The following FIG4 variants were observed in gnomAD, a reference collection of about 807,000 sequenced individuals.
FIG4 encodes FIG4 phosphoinositide 5-phosphatase, also known as polyphosphoinositide phosphatase.
Under a neutral mutation model 118.6 loss-of-function variants are expected in FIG4, and 112 were observed. The ratio of observed to expected loss-of-function variants is 0.94; its 90% CI spans 0.81 to 1.11. The LOEUF (loss-of-function observed/expected upper bound fraction) is 1.11. FIG4 is among the 50% of genes least tolerant of loss of function. FIG4 has a pLI of 0.00. For missense variants in FIG4, 969 were observed against 1,111.7 expected, an observed-to-expected ratio of 0.87 and a Z score of 1.83; for synonymous variants, 369 against 381.2, an observed-to-expected ratio of 0.97 and a Z score of 0.37.
intron 16 of FIG4, among the ~76,000 whole-genome samples, chr6:109,778,813 G>A (rs6568607): frequency 0.92 from 140,354 of 152,118 alleles, 64,932 homozygotes; most frequent in East Asian, 1. Context: ...GTTAGCTAGG[G>A]TGGTCTTGAT....
rs550415948 is a variant in FIG4, at chr6:109,759,487, A to G, written c.1138-763A>G. ...CTCACATTGATGTTGTAAGGAAGAT[A>G]CTGTTTTTACCCTATTTTATAGATG... On this transcript the variant is annotated intron_variant, in intron 10 of 22. Transcript: ENST00000230124. Among the ~76,000 whole-genome samples the G allele has an allele frequency of 5.7e-4, 87 of 152,208 alleles. 1 individual carries two copies. Among genetic ancestry groups the G allele is most frequent in the Admixed American group, 3.1e-3 (48 of 15,272 alleles).
chr6:109,780,891 T>A (rs1302926924), intron 16 of FIG4, among the ~76,000 whole-genome samples: 1 of 152,210 alleles, frequency 6.6e-6, no homozygotes, highest in African/African-American at 2.4e-5. Context: ...TAATTGAAGC[T>A]TTGTTCTGAA....
chr6:109,740,572 G>A (rs932088869), intron 7 of FIG4, among the ~76,000 whole-genome samples: 3 of 152,172 alleles, frequency 2.0e-5, no homozygotes, highest in Non-Finnish European at 4.4e-5. Context: ...TATTGGTTAA[G>A]CAGTTCACAA....
chr6:109,779,878 C>G (rs1777744664), intron 16 of FIG4, among the ~76,000 whole-genome samples: 1 of 152,154 alleles, frequency 6.6e-6, no homozygotes. Flanking sequence ...GGCCTGCGAC[C>G]CATTAACCTC....
At position 109,743,125 on chromosome 6, in the gene FIG4, G is replaced by C. The variant is rs763234215; in HGVS notation, c.892G>C (p.Glu298Gln). The change falls in exon 9 of 23, where the codon GAA becomes CAA. Residue 298 changes from glutamate (E) to glutamine (Q), a missense_variant. Coordinates refer to ENST00000230124, the MANE Select transcript of FIG4 (RefSeq NM_014845.6). ...GANCEGDVAN[E>Q]VETEQILCDA... is the part of the protein sequence containing the mutation. ...TTCTTTTCAGGGTGATGTTGCAAAT[G>C]AAGTGGAGACTGAACAAATACTCTG... is the stretch of plus-strand genomic sequence containing the variant. The C allele has an allele frequency of 3.1e-6, 5 of 1,612,590 alleles. No homozygotes were observed. The African/African-American group carries it at 6.7e-5, about 22-fold the overall frequency.
At chr6:109,759,432 A>G (rs1777031483) in intron 10 of FIG4, among the ~76,000 whole-genome samples, 1 of 152,198 alleles carries the variant, frequency 6.6e-6, no homozygotes, top group Non-Finnish European at 1.5e-5. Context: ...AAAAAGAAAA[A>G]AAACTCACCA....
intron 15 of FIG4, among the ~76,000 whole-genome samples, chr6:109,776,098 C>T (rs969695450): frequency 3.9e-5 from 6 of 151,938 alleles, no homozygotes; most frequent in African/African-American, 1.5e-4. Context: ...AAGAAGGAAA[C>T]GAGGAGAAAG....
chr6:109,821,914 C>T (rs1014300049), intron 22 of FIG4, among the ~76,000 whole-genome samples: 5 of 152,126 alleles, frequency 3.3e-5, no homozygotes, highest in African/African-American at 1.2e-4. Flanking sequence ...GTGGCTCGAG[C>T]CTGTAATCCC....
At chr6:109,696,551 A>G (rs1037785840) in intron 1 of FIG4, among the ~76,000 whole-genome samples, 1 of 152,246 alleles carries the variant, frequency 6.6e-6, no homozygotes, top group African/African-American at 2.4e-5. Flanking sequence ...ATGGAATACT[A>G]TTCAGCCAGG....
chr6:109,759,603 C>T (rs1777037617), intron 10 of FIG4, among the ~76,000 whole-genome samples: 1 of 152,094 alleles, frequency 6.6e-6, no homozygotes. Flanking sequence ...CAGAACTGTA[C>T]AGTAAAGTAC....
chr6:109,736,776 A>G (rs552044875), intron 6 of FIG4, among the ~76,000 whole-genome samples: 1 of 152,292 alleles, frequency 6.6e-6, no homozygotes, highest in South Asian at 2.1e-4. Flanking sequence ...CTAAAATAAC[A>G]TAAATGTATC....
chr6:109,741,932 G>A (rs376023770), intron 8 of FIG4, among the ~76,000 whole-genome samples: 3 of 152,016 alleles, frequency 2.0e-5, no homozygotes, highest in Admixed American at 1.3e-4. Context: ...TGCAACCATC[G>A]TAGGCCTAAC....
chr6:109,815,186 C>T (rs1395459217), intron 22 of FIG4, among the ~76,000 whole-genome samples: 3 of 152,112 alleles, frequency 2.0e-5, no homozygotes, highest in Non-Finnish European at 4.4e-5. Context: ...TTCCCCCATA[C>T]ATAACCAGTT....
At chr6:109,730,571 G>A (rs1775966870) in intron 4 of FIG4, among the ~76,000 whole-genome samples, 1 of 152,158 alleles carries the variant, frequency 6.6e-6, no homozygotes, top group South Asian at 2.1e-4. Flanking sequence ...GCTAAGTATT[G>A]GTGGAGGAAT....
At chr6:109,786,043 T>G (rs1342160890) in intron 17 of FIG4, 1 of 498,088 alleles carries the variant, frequency 2.0e-6, no homozygotes, top group Non-Finnish European at 3.6e-6. Flanking sequence ...TCTAAATAAC[T>G]GCCTGCTCCC....
chr6:109,702,256 T>C (rs1177782392), intron 1 of FIG4, among the ~76,000 whole-genome samples: 1 of 152,212 alleles, frequency 6.6e-6, no homozygotes, highest in Non-Finnish European at 1.5e-5. Flanking sequence ...ATAATGTTAG[T>C]AGATACTGAA....
At chr6:109,769,814 G>C (rs542397051) in intron 15 of FIG4, among the ~76,000 whole-genome samples, 13 of 152,230 alleles carry the variant, frequency 8.5e-5, no homozygotes, top group African/African-American at 2.9e-4. Context: ...AGCTATGTGA[G>C]AGCCTAAGGG....
intron 3 of FIG4, among the ~76,000 whole-genome samples, chr6:109,718,432 A>G (rs985289654): frequency 3.3e-5 from 5 of 152,150 alleles, no homozygotes; most frequent in African/African-American, 7.2e-5. Flanking sequence ...TCAGATTCTT[A>G]TTTTGGGTCT....
intron 10 of FIG4, among the ~76,000 whole-genome samples, chr6:109,748,522 C>G (rs913660657): frequency 2.0e-5 from 3 of 151,972 alleles, no homozygotes; most frequent in Non-Finnish European, 4.4e-5. Flanking sequence ...AAAGAGCAGC[C>G]TGTGATAATG....
Sources: gnomAD v4.1 joint callset for allele counts (sites outside exome capture counted in the v4.1 genomes callset) on GRCh38, gnomAD v4.1.1 for gene constraint, MANE v1.5 for transcripts, NCBI Gene and HGNC (gene_info 2026-07-23, HGNC 2026-07-21) for gene names.